The following GALNT13 variants were observed in gnomAD, a reference collection of about 807,000 sequenced individuals.
GALNT13 encodes polypeptide N-acetylgalactosaminyltransferase 13.
GALNT13 carries 28 observed loss-of-function variants against 64.2 expected under a neutral mutation model. The observed-to-expected ratio is 0.44, with a 90% CI of 0.32 to 0.60. The LOEUF (loss-of-function observed/expected upper bound fraction) is 0.60. Among genes scored for constraint, GALNT13 ranks in the 20% least tolerant of loss-of-function variants. The pLI is 0.05. For missense variants in GALNT13, 577 were observed against 669.8 expected, an observed-to-expected ratio of 0.86 and a Z score of 1.53; for synonymous variants, 214 against 224.6, an observed-to-expected ratio of 0.95 and a Z score of 0.42.
chr2:153,849,969 G>A, the GALNT13 span, among the ~76,000 whole-genome samples: 10 of 142,130 alleles, frequency 7.0e-5, no homozygotes, highest in African/African-American at 2.4e-4. Flanking sequence ...AGACCATCCT[G>A]GCTAACGCGG....
the GALNT13 span, among the ~76,000 whole-genome samples, chr2:153,708,187 T>C: frequency 2.0e-5 from 3 of 152,120 alleles, no homozygotes; most frequent in Non-Finnish European, 4.4e-5. Context: ...TTTTACATCA[T>C]AAGAGAGATT....
the GALNT13 span, among the ~76,000 whole-genome samples, chr2:153,686,377 T>G: frequency 6.6e-6 from 1 of 152,014 alleles, no homozygotes; most frequent in Admixed American, 6.6e-5. Context: ...TAGTTAGCTG[T>G]ATTCCTAGGT....
At chr2:154,118,259 C>G (rs1681716844) in intron 3 of GALNT13, among the ~76,000 whole-genome samples, 1 of 145,468 alleles carries the variant, frequency 6.9e-6, no homozygotes, top group Non-Finnish European at 1.5e-5. Context: ...GACCTCTTAT[C>G]ATTATATTAT....
At chr2:153,776,559 C>G in the GALNT13 span, among the ~76,000 whole-genome samples, 4 of 152,342 alleles carry the variant, frequency 2.6e-5, no homozygotes, top group Middle Eastern at 6.8e-3. Flanking sequence ...CATTAACATC[C>G]TGAAGAAGCT....
chr2:154,326,927 A>C (rs1388005393), intron 9 of GALNT13, among the ~76,000 whole-genome samples: 1 of 152,144 alleles, frequency 6.6e-6, no homozygotes, highest in Non-Finnish European at 1.5e-5. Context: ...TTCGTCCATC[A>C]GGAGTTCCTA....
chr2:153,525,625 G>C, the GALNT13 span, among the ~76,000 whole-genome samples: 7 of 152,164 alleles, frequency 4.6e-5, no homozygotes, highest in Non-Finnish European at 7.3e-5. Flanking sequence ...TGCTCGTTAT[G>C]AGAATCTAAT....
At chr2:153,424,374 A>G in the GALNT13 span, among the ~76,000 whole-genome samples, 2 of 151,836 alleles carry the variant, frequency 1.3e-5, no homozygotes, top group South Asian at 2.1e-4. Context: ...TATATAGAAG[A>G]TATTTGCAGT....
chr2:154,431,364 C>T (rs12617140), intron 11 of GALNT13, among the ~76,000 whole-genome samples: 1 of 151,726 alleles, frequency 6.6e-6, no homozygotes, highest in African/African-American at 2.4e-5. Context: ...TGTAGTTTTT[C>T]TAAAGGGTCA....
At chr2:153,106,679 G>A in the GALNT13 span, among the ~76,000 whole-genome samples, 1 of 152,156 alleles carries the variant, frequency 6.6e-6, no homozygotes, top group Admixed American at 6.6e-5. Context: ...ACCAAAAAAT[G>A]TAGGTCTGAG....
chr2:154,228,214 C>T (rs1469436061), intron 4 of GALNT13, among the ~76,000 whole-genome samples: 2 of 151,236 alleles, frequency 1.3e-5, no homozygotes, highest in African/African-American at 2.4e-5. Flanking sequence ...CCTCAAAGAG[C>T]GTGTTTATGT....
the GALNT13 span, among the ~76,000 whole-genome samples, chr2:153,352,462 C>G: frequency 6.6e-6 from 1 of 152,034 alleles, no homozygotes; most frequent in African/African-American, 2.4e-5. Context: ...TTTAATAAAG[C>G]TCAGTCTCTT....
chr2:153,274,106 G>A, the GALNT13 span, among the ~76,000 whole-genome samples: 1 of 152,160 alleles, frequency 6.6e-6, no homozygotes, highest in Non-Finnish European at 1.5e-5. Flanking sequence ...AGGAGGCTGA[G>A]GCAGGATAAT....
chr2:153,289,751 G>C, the GALNT13 span, among the ~76,000 whole-genome samples: 6 of 152,200 alleles, frequency 3.9e-5, no homozygotes, highest in African/African-American at 1.4e-4. Context: ...AATGCAGTGG[G>C]AAGGAGCTAA....
intron 3 of GALNT13, among the ~76,000 whole-genome samples, chr2:154,133,401 T>C (rs556885149): frequency 6.6e-6 from 1 of 151,774 alleles, no homozygotes; most frequent in African/African-American, 2.4e-5. Flanking sequence ...GTCCACACAT[T>C]TTCATTGTGA....
At chr2:154,366,464 TGTG>T (rs1697368528) in intron 9 of GALNT13, among the ~76,000 whole-genome samples, 1 of 152,028 alleles carries the variant, frequency 6.6e-6, no homozygotes, top group Non-Finnish European at 1.5e-5. Context: ...TAGAGAGGAG[TGTG>T]ATGGAAACAA....
intron 6 of GALNT13, among the ~76,000 whole-genome samples, chr2:154,244,185 T>G (rs1206531677): frequency 2.0e-5 from 3 of 152,192 alleles, no homozygotes; most frequent in African/African-American, 7.2e-5. Context: ...TTTATTTTTT[T>G]GATCTAACAA....
At chr2:153,723,789 T>C in the GALNT13 span, among the ~76,000 whole-genome samples, 1 of 150,820 alleles carries the variant, frequency 6.6e-6, no homozygotes, top group Non-Finnish European at 1.5e-5. Context: ...AAACCACTGC[T>C]CAAGGAAATA....
the GALNT13 span, among the ~76,000 whole-genome samples, chr2:153,749,966 G>A: frequency 1.3e-5 from 2 of 151,774 alleles, no homozygotes; most frequent in Non-Finnish European, 3.0e-5. Flanking sequence ...CTGTGGGCCT[G>A]TCATATATTG....
At chr2:153,746,539 C>G in the GALNT13 span, among the ~76,000 whole-genome samples, 1 of 152,168 alleles carries the variant, frequency 6.6e-6, no homozygotes, top group African/African-American at 2.4e-5. Flanking sequence ...TTCATTTACA[C>G]TAATGAACAT....
Sources: allele counts gnomAD v4.1 joint callset (sites outside exome capture counted in the v4.1 genomes callset), GRCh38; gene constraint gnomAD v4.1.1; transcripts MANE v1.5; gene names NCBI Gene and HGNC (gene_info 2026-07-23, HGNC 2026-07-21).